PLEKHG1: variants seen among roughly 807,000 people sequenced by gnomAD.
PLEKHG1 encodes pleckstrin homology domain-containing family G member 1.
A neutral mutation model predicts 100.8 loss-of-function variants in PLEKHG1; 44 were observed. That is an observed-to-expected ratio of 0.44 (90% CI 0.34 to 0.56). The LOEUF is 0.56. Ranked by LOEUF, PLEKHG1 falls within the 20% of genes least tolerant of loss-of-function variation. The pLI, the probability that PLEKHG1 is intolerant of heterozygous loss-of-function variation, is 0.01. For missense variants in PLEKHG1, 1,545 were observed against 1,720.9 expected, an observed-to-expected ratio of 0.90 and a Z score of 1.81; for synonymous variants, 640 against 662.5, an observed-to-expected ratio of 0.97 and a Z score of 0.52.
intron 1 of PLEKHG1, among the ~76,000 whole-genome samples, chr6:150,726,253 A>T (rs1562464887): frequency 6.6e-6 from 1 of 152,226 alleles, no homozygotes; most frequent in Non-Finnish European, 1.5e-5. Flanking sequence ...CTAAGGAGGT[A>T]GATCTTAAGT....
Position 150,809,016 on chromosome 6 carries a change from C to T in PLEKHG1, c.913-89C>T, listed in dbSNP as rs1787319931. On this transcript the variant is annotated intron_variant, in intron 7 of 15. Coordinates refer to ENST00000358517, the Ensembl canonical transcript of PLEKHG1. The stretch of plus-strand genomic sequence containing the variant: ...AGACCCCCTCAGGGACGATTTGGCA[C>T]CATTCTTGAGGCTCAACAGATGGGC... The T allele has an allele frequency of 4.5e-6, 5 of 1,117,334 alleles. No homozygotes were observed. The South Asian group carries it at 7.2e-5, about 16-fold the overall frequency. The allele number at this position is 1,117,334 out of a possible 1,614,324, so 69.2% of individuals were successfully genotyped here.
chr6:150,824,612 C>G (rs921476600), intron 14 of PLEKHG1, among the ~76,000 whole-genome samples: 22 of 151,856 alleles, frequency 1.4e-4, no homozygotes, highest in African/African-American at 5.1e-4. Flanking sequence ...ACCTCTGACT[C>G]CCGGGTTCAA....
At chr6:150,830,240 AATGTCTGCAC>A (rs1776842030) in intron 14 of PLEKHG1, among the ~76,000 whole-genome samples, 1 of 152,172 alleles carries the variant, frequency 6.6e-6, no homozygotes, top group Admixed American at 6.5e-5. Context: ...AAGTTTGGAG[AATGTCTGCAC>A]ATTGCCCAGC....
chr6:150,644,332 G>GGGTTTTTTTTTTTTTTTTTTTTTTTTTT (rs1562404967), intron 2 of PLEKHG1, among the ~76,000 whole-genome samples: 1 of 96,562 alleles, frequency 1.0e-5, no homozygotes, highest in African/African-American at 4.4e-5. Context: ...TTTTCTTTTC[G>GGGTTTTTTTTTTTTTTTTTTTTTTTTTT]TGTTTTTTTT....
intron 2 of PLEKHG1, among the ~76,000 whole-genome samples, chr6:150,759,539 A>G (rs904647676): frequency 1.1e-4 from 16 of 152,324 alleles, no homozygotes; most frequent in African/African-American, 3.8e-4. Context: ...TGGTTTGAGC[A>G]TGGCTTGAGG....
intron 2 of PLEKHG1, among the ~76,000 whole-genome samples, chr6:150,759,711 A>G (rs566130947): frequency 6.6e-6 from 1 of 152,298 alleles, no homozygotes; most frequent in East Asian, 1.9e-4. Flanking sequence ...TTAAAATAAC[A>G]ACAATGATGA....
chr6:150,600,371 C>T lies in PLEKHG1; in HGVS notation c.-204+354C>T, dbSNP rs1776291997. Among the ~76,000 whole-genome samples, 1 of 152,108 alleles carries T rather than the reference C, an allele frequency of 6.6e-6. No homozygotes were observed. The highest frequency in any genetic ancestry group is 1.5e-5 in the Non-Finnish European group (1 of 67,994). On this transcript the variant is annotated intron_variant, in intron 1 of 3. Coordinates refer to the PLEKHG1 transcript ENST00000367326. The surrounding 1 kb of genome is among the most constrained non-coding windows in gnomAD (Gnocchi z 6.2). ...CCGCCCCTCGCCCCAGCGGCTGCAA[C>T]ATCAGCGCGCAGAGGAGTTTCTGCG...
chr6:150,786,159 T>TA, intron 3 of PLEKHG1, among the ~76,000 whole-genome samples: 1 of 152,170 alleles, frequency 6.6e-6, no homozygotes. Context: ...AGGCAGGGCT[T>TA]AGCTCTGGTG....
In PLEKHG1 at chr6:150,806,718, C is replaced by G. The variant is rs1583168303; in HGVS notation, c.912+1977C>G. 2.0e-5 allele frequency among the ~76,000 whole-genome samples: 3 copies of G among 148,468 alleles called. No individual in the cohort carries two copies. The Admixed American group carries it at 2.0e-4, about 10-fold the overall frequency. On this transcript the variant is annotated intron_variant, in intron 7 of 15. Transcript: ENST00000358517. ...TGGTGCACACCTGTAACCCCAGCTA[C>G]TTGGGAGGCTGAGGTGGGAGAATCA...
intron 2 of PLEKHG1, among the ~76,000 whole-genome samples, chr6:150,645,326 C>T (rs1425438595): frequency 2.6e-5 from 4 of 152,064 alleles, no homozygotes; most frequent in East Asian, 1.9e-4. Context: ...TCAACTGGAT[C>T]GAGGACTTAC....
intron 5 of PLEKHG1, among the ~76,000 whole-genome samples, chr6:150,797,357 A>T (rs1375266321): frequency 1.3e-5 from 2 of 152,118 alleles, no homozygotes; most frequent in African/African-American, 4.8e-5. Context: ...AACCCCAGAA[A>T]GCCAGTGTGG....
chr6:150,630,142 A>T lies in PLEKHG1; in HGVS notation c.-203-7938A>T, dbSNP rs117284091. ...CCTTGTTCAGCAGGGAGGCCAGTAC[A>T]TGGAAAGAATGGTACCTGGGGAATA... On this transcript the variant is annotated intron_variant, in intron 1 of 3. Transcript: ENST00000367326. Among the ~76,000 whole-genome samples, 1,201 of 152,334 alleles carry T rather than the reference A, an allele frequency of 7.9e-3. 12 individuals are homozygous for T. The highest frequency in any genetic ancestry group is 0.028 in the East Asian group (145 of 5,190).
chr6:150,824,498 A>G (rs981090423), intron 14 of PLEKHG1, among the ~76,000 whole-genome samples: 6 of 152,142 alleles, frequency 3.9e-5, no homozygotes, highest in African/African-American at 1.4e-4. Context: ...AAAACCAAGA[A>G]AATGTCTAAA....
At chr6:150,774,243 G>A (rs9478812) in intron 3 of PLEKHG1, among the ~76,000 whole-genome samples, 58,356 of 152,006 alleles carry the variant, frequency 0.38, 15,266 homozygotes, top group African/African-American at 0.73. Context: ...AGACATTGGC[G>A]TCCTTATCTT....
At chr6:150,796,178 C>T (rs1039590689) in intron 5 of PLEKHG1, among the ~76,000 whole-genome samples, 2 of 152,208 alleles carry the variant, frequency 1.3e-5, no homozygotes, top group Non-Finnish European at 2.9e-5. Context: ...GGAAACTAAG[C>T]AAGCTATTGC....
chr6:150,710,204 C>G (rs1437286023), intron 3 of PLEKHG1, among the ~76,000 whole-genome samples: 2 of 152,154 alleles, frequency 1.3e-5, no homozygotes, highest in African/African-American at 4.8e-5. Flanking sequence ...TTGGGTCCCC[C>G]AGGAAATGTA....
At chr6:150,672,265 C>A (rs965898560) in intron 3 of PLEKHG1, among the ~76,000 whole-genome samples, 2 of 152,188 alleles carry the variant, frequency 1.3e-5, no homozygotes, top group Non-Finnish European at 2.9e-5. Flanking sequence ...CTCCTTCTCT[C>A]TATATAGTGG....
At chr6:150,842,450 A>G (rs1006452298) in exon 16 of PLEKHG1, 2 of 152,230 alleles carry the variant, frequency 1.3e-5, no homozygotes, top group African/African-American at 4.8e-5. Flanking sequence ...CTTTTTCTTA[A>G]CTGTAAAACA....
At chr6:150,789,890 A>G (rs1041998829) in intron 4 of PLEKHG1, among the ~76,000 whole-genome samples, 1 of 152,184 alleles carries the variant, frequency 6.6e-6, no homozygotes, top group East Asian at 1.9e-4. Flanking sequence ...CAAGTGCACA[A>G]AGGGGCCCAG....
Sources: allele counts gnomAD v4.1 joint callset (sites outside exome capture counted in the v4.1 genomes callset), GRCh38; gene constraint gnomAD v4.1.1; non-coding constraint Gnocchi (gnomAD v3.1); transcripts MANE v1.5; gene names NCBI Gene and HGNC (gene_info 2026-07-23, HGNC 2026-07-21).